GPHN: variants seen among roughly 807,000 people sequenced by gnomAD.
GPHN encodes the protein gephyrin.
GPHN carries 17 observed loss-of-function variants against 95.5 expected under a neutral mutation model. That is an observed-to-expected ratio of 0.18 (90% confidence interval 0.12 to 0.27). GPHN has a LOEUF of 0.27. Among genes scored for constraint, GPHN ranks in the 10% least tolerant of loss-of-function variants. The pLI, the probability that GPHN is intolerant of heterozygous loss-of-function variation, is 1.00. For synonymous variants in GPHN, 320 were observed against 322.5 expected (o/e 0.99, Z 0.08); for missense variants, 660 against 978.1 (o/e 0.67, Z 4.34).
At chr14:66,961,841 T>C (rs1480647159) in intron 8 of GPHN, among the ~76,000 whole-genome samples, 3 of 141,084 alleles carry the variant, frequency 2.1e-5, no homozygotes, top group African/African-American at 7.8e-5. Context: ...TTAACCAACT[T>C]AGAAATTTTT....
At chr14:67,603,364 CCAG>C in the GPHN span, among the ~76,000 whole-genome samples, 1 of 151,942 alleles carries the variant, frequency 6.6e-6, no homozygotes, top group Non-Finnish European at 1.5e-5. Context: ...GTCACCATGC[CCAG>C]CAGGCTAAGA....
intron 5 of GPHN, among the ~76,000 whole-genome samples, chr14:66,885,509 A>C (rs1021720354): frequency 2.0e-5 from 3 of 152,084 alleles, no homozygotes; most frequent in Non-Finnish European, 4.4e-5. Flanking sequence ...TATCTTCCAA[A>C]TATTGGGGAT....
intron 2 of GPHN, among the ~76,000 whole-genome samples, chr14:66,759,066 T>G (rs1566912835): frequency 6.6e-6 from 1 of 152,204 alleles, no homozygotes; most frequent in Non-Finnish European, 1.5e-5. Flanking sequence ...AATATTTGCA[T>G]AAAGTGCAGC....
chr14:66,570,780 T>C (rs2060656714), intron 1 of GPHN, among the ~76,000 whole-genome samples: 1 of 152,216 alleles, frequency 6.6e-6, no homozygotes. Context: ...TTTACACTTA[T>C]TTTCCATCTT....
Position 66,508,193 on chromosome 14 carries a change from C to G in GPHN, c.-335C>G, listed in dbSNP as rs1223636834. 1.8e-5 allele frequency: 9 copies of G among 499,396 alleles called. No individual in the cohort carries two copies. Among genetic ancestry groups the G allele is most frequent in the Non-Finnish European group, 3.3e-5 (9 of 272,800 alleles). The allele number at this position is 499,396 out of a possible 1,614,324, so 30.9% of individuals were successfully genotyped here. ...TCTAGCTGCCTTGGGTCTCGCGCTC[C>G]GCAGAGCGTTCCGACACTCTCCGGC... On this transcript the variant is annotated 5_prime_UTR_variant, in exon 1 of 23. Transcript: ENST00000478722.
At chr14:67,634,406 A>C in the GPHN span, among the ~76,000 whole-genome samples, 1 of 149,948 alleles carries the variant, frequency 6.7e-6, no homozygotes, top group African/African-American at 2.5e-5. Context: ...CAGCCTGGGT[A>C]GCATGGCAAA....
chr14:66,666,156 C>A (rs981008156), intron 1 of GPHN, among the ~76,000 whole-genome samples: 1 of 151,686 alleles, frequency 6.6e-6, no homozygotes. Flanking sequence ...ATGTAAATGA[C>A]GAGTTAATGG....
At chr14:66,639,188 A>G (rs1468803717) in intron 1 of GPHN, among the ~76,000 whole-genome samples, 1 of 151,644 alleles carries the variant, frequency 6.6e-6, no homozygotes. Flanking sequence ...AAAATTATTA[A>G]TTGGTAATTA....
the GPHN span, chr14:67,338,427 C>A: frequency 5.2e-6 from 3 of 573,556 alleles, no homozygotes; most frequent in Non-Finnish European, 8.8e-6. Context: ...TTTTACAGAT[C>A]TCTTTCATCC....
At chr14:67,312,706 T>A in the GPHN span, 1 of 1,604,490 alleles carries the variant, frequency 6.2e-7, no homozygotes, top group Non-Finnish European at 8.5e-7. Context: ...CCGGGCTTGT[T>A]CCAGGTAAGA....
At chr14:66,926,603 G>C (rs1008017260) in intron 8 of GPHN, among the ~76,000 whole-genome samples, 2 of 152,044 alleles carry the variant, frequency 1.3e-5, no homozygotes, top group Admixed American at 6.6e-5. Context: ...TATTCCATTG[G>C]TCTATGTATC....
chr14:67,584,725 A>G, the GPHN span, among the ~76,000 whole-genome samples: 1 of 152,248 alleles, frequency 6.6e-6, no homozygotes, highest in Non-Finnish European at 1.5e-5. Flanking sequence ...GTTTGAGGTT[A>G]TAAGAAGTGA....
At chr14:67,174,993 G>A (rs192486518) in intron 21 of GPHN, among the ~76,000 whole-genome samples, 2 of 152,104 alleles carry the variant, frequency 1.3e-5, no homozygotes, top group South Asian at 2.1e-4. Context: ...TGTCAGATGG[G>A]TAGATTGTAA....
chr14:66,699,118 G>A (rs1484855022), intron 2 of GPHN, among the ~76,000 whole-genome samples: 2 of 152,182 alleles, frequency 1.3e-5, no homozygotes, highest in African/African-American at 4.8e-5. Context: ...GTTATCAGCA[G>A]TGTAGCATGA....
At chr14:66,637,515 G>A (rs554330029) in intron 1 of GPHN, among the ~76,000 whole-genome samples, 25 of 152,224 alleles carry the variant, frequency 1.6e-4, no homozygotes, top group Non-Finnish European at 1.8e-4. Flanking sequence ...GCTTTATTAA[G>A]TCTAATGCAT....
chr14:67,575,411 A>T, the GPHN span: 1 of 1,608,824 alleles, frequency 6.2e-7, no homozygotes, highest in Non-Finnish European at 8.5e-7. Flanking sequence ...GGCCACTCCA[A>T]GGTGGTCTGG....
intron 2 of GPHN, among the ~76,000 whole-genome samples, chr14:66,743,474 G>C (rs995242505): frequency 2.0e-5 from 3 of 152,052 alleles, no homozygotes; most frequent in Non-Finnish European, 2.9e-5. Context: ...ACTTGCCTTT[G>C]CATATAAAAT....
rs1258464697 is a variant in GPHN, at chr14:66,515,490, G to GT, written c.64+6901dup. 2.0e-5 allele frequency among the ~76,000 whole-genome samples: 3 copies of GT among 152,236 alleles called. No individual in the cohort carries two copies. In the East Asian group the frequency reaches 5.8e-4, roughly 29 times the overall value. On this transcript the variant is annotated intron_variant, in intron 1 of 22. Coordinates refer to ENST00000478722, the MANE Select transcript of GPHN (RefSeq NM_020806.5). ...GCATTAAATTTTGTATATTGTTTTA[G>GT]TTGGGTGTTGTTTGTGTGAGGATAA...
At chr14:67,578,001 G>A in the GPHN span, 1 of 1,607,354 alleles carries the variant, frequency 6.2e-7, no homozygotes, top group Non-Finnish European at 8.5e-7. The surrounding 1 kb of genome is among the most constrained non-coding windows in gnomAD (Gnocchi z 5.0). Flanking sequence ...GTCTGCCTGT[G>A]CTCACTGCTG....
Sources: gnomAD v4.1 joint callset for allele counts (sites outside exome capture counted in the v4.1 genomes callset) on GRCh38, gnomAD v4.1.1 for gene constraint, Gnocchi (gnomAD v3.1) non-coding constraint, MANE v1.5 for transcripts, NCBI Gene and HGNC (gene_info 2026-07-23, HGNC 2026-07-21) for gene names.